The following MARCHF4 variants were observed in gnomAD, a reference collection of about 807,000 sequenced individuals.
The protein encoded by MARCHF4 is E3 ubiquitin-protein ligase MARCHF4.
Under a neutral mutation model 43.9 loss-of-function variants are expected in MARCHF4, and 14 were observed. The observed-to-expected ratio is 0.32, with a 90% confidence interval of 0.21 to 0.50. The LOEUF (loss-of-function observed/expected upper bound fraction) is 0.50, where lower values mean the gene tolerates loss of function less well. Among genes scored for constraint, MARCHF4 ranks in the 20% least tolerant of loss-of-function variants. MARCHF4 has a pLI of 0.98. For missense variants in MARCHF4, 468 were observed against 536.7 expected (o/e 0.87, Z 1.27); for synonymous variants, 226 against 213.3 (o/e 1.06, Z -0.52).
intron 1 of MARCHF4, among the ~76,000 whole-genome samples, chr2:216,354,776 G>C (rs575615261): frequency 6.6e-6 from 1 of 152,256 alleles, no homozygotes; most frequent in East Asian, 1.9e-4. Flanking sequence ...TACCTGGTGG[G>C]ACTCACTCAG....
At chr2:216,276,589 C>T (rs552323425) in intron 3 of MARCHF4, among the ~76,000 whole-genome samples, 29 of 152,300 alleles carry the variant, frequency 1.9e-4, no homozygotes, top group African/African-American at 4.8e-4. Flanking sequence ...TATTAAAGAA[C>T]TCCAAAGAAA....
chr2:216,279,993 C>A (rs1378001099), intron 2 of MARCHF4, among the ~76,000 whole-genome samples: 2 of 152,112 alleles, frequency 1.3e-5, no homozygotes, highest in Non-Finnish European at 2.9e-5. Flanking sequence ...TATAGAGGCC[C>A]AGAAAGCTTC....
At chr2:216,260,262 T>G (rs1690719011) in intron 3 of MARCHF4, among the ~76,000 whole-genome samples, 1 of 152,264 alleles carries the variant, frequency 6.6e-6, no homozygotes, top group African/African-American at 2.4e-5. Flanking sequence ...GTGTGCCTAT[T>G]GTGTGCCAAG....
At chr2:216,273,216 T>C (rs1690966570) in intron 3 of MARCHF4, among the ~76,000 whole-genome samples, 2 of 152,234 alleles carry the variant, frequency 1.3e-5, no homozygotes, top group South Asian at 4.1e-4. Context: ...GGTAAATACA[T>C]TGTTAACGAT....
At chr2:216,324,613 T>C (rs1442715537) in intron 1 of MARCHF4, among the ~76,000 whole-genome samples, 7 of 151,216 alleles carry the variant, frequency 4.6e-5, no homozygotes, top group South Asian at 2.1e-4. Flanking sequence ...AAAGCTTATC[T>C]ACCATGATCA....
At chr2:216,326,504 A>G (rs1691994163) in intron 1 of MARCHF4, among the ~76,000 whole-genome samples, 2 of 151,508 alleles carry the variant, frequency 1.3e-5, no homozygotes, top group African/African-American at 4.9e-5. Flanking sequence ...TTAAAGACAC[A>G]TGCACACGTA....
chr2:216,269,409 G>A (rs1574459026), intron 3 of MARCHF4, among the ~76,000 whole-genome samples: 1 of 152,260 alleles, frequency 6.6e-6, no homozygotes, highest in South Asian at 2.1e-4. Context: ...CAGGTGGAAC[G>A]AGGACATTAG....
Position 216,298,936 on chromosome 2 carries a change from G to A in MARCHF4, c.517-15207C>T, listed in dbSNP as rs533424572. On this transcript the variant is annotated intron_variant, in intron 1 of 3. Coordinates refer to ENST00000273067, the MANE Select transcript of MARCHF4 (RefSeq NM_020814.3). ...AGGCTGTTACACATACTGCCAAATCGGCCTTCAGGAGGATGACACAAATTT... is the reference window on the plus strand; with the variant it reads ...AGGCTGTTACACATACTGCCAAATCAGCCTTCAGGAGGATGACACAAATTT... Among the ~76,000 whole-genome samples the A allele has an allele frequency of 2.0e-5, 3 of 152,226 alleles. No homozygotes were observed. The South Asian group carries it at 6.2e-4, about 32-fold the overall frequency.
At chr2:216,308,345 A>G (rs1050046828) in intron 1 of MARCHF4, among the ~76,000 whole-genome samples, 12 of 152,208 alleles carry the variant, frequency 7.9e-5, no homozygotes, top group Non-Finnish European at 1.5e-4. Context: ...CAGAGTTTCC[A>G]GTGAGCCATG....
chr2:216,261,474 T>A (rs750307834), intron 3 of MARCHF4, among the ~76,000 whole-genome samples: 13 of 152,194 alleles, frequency 8.5e-5, no homozygotes, highest in Non-Finnish European at 1.6e-4. Flanking sequence ...TGTCCCCATT[T>A]CAAGTTCCTT....
chr2:216,300,763 G>A (rs1182536435), intron 1 of MARCHF4, among the ~76,000 whole-genome samples: 1 of 152,118 alleles, frequency 6.6e-6, no homozygotes, highest in Non-Finnish European at 1.5e-5. Context: ...GCCTAATCAA[G>A]TGTGCCCTCA....
intron 1 of MARCHF4, among the ~76,000 whole-genome samples, chr2:216,309,335 G>A (rs1330948362): frequency 6.6e-6 from 1 of 152,208 alleles, no homozygotes; most frequent in South Asian, 2.1e-4. Context: ...GTATGGACAT[G>A]AAATAGATTA....
chr2:216,365,833 T>C (rs1223821878), intron 1 of MARCHF4, among the ~76,000 whole-genome samples: 4 of 152,222 alleles, frequency 2.6e-5, no homozygotes, highest in South Asian at 2.1e-4. Context: ...CTGGGTTAGA[T>C]TGTGAGACTC....
chr2:216,363,425 G>A (rs62178561), intron 1 of MARCHF4, among the ~76,000 whole-genome samples: 13,762 of 152,210 alleles, frequency 0.09, 782 homozygotes, highest in South Asian at 0.24. Flanking sequence ...GTGCTTATGC[G>A]TGAGCAAGTT....
At chr2:216,323,174 A>G (rs1691932262) in intron 1 of MARCHF4, among the ~76,000 whole-genome samples, 1 of 151,814 alleles carries the variant, frequency 6.6e-6, no homozygotes, top group Non-Finnish European at 1.5e-5. Flanking sequence ...CATTCTCTCA[A>G]CCTCCTTAAG....
intron 2 of MARCHF4, among the ~76,000 whole-genome samples, chr2:216,281,903 C>A (rs1164206832): frequency 6.6e-6 from 1 of 152,134 alleles, no homozygotes; most frequent in Non-Finnish European, 1.5e-5. Context: ...ATAACCTTTT[C>A]ATTTTTTACC....
intron 1 of MARCHF4, among the ~76,000 whole-genome samples, chr2:216,359,356 CTTCTT>C (rs1301552117): frequency 1.3e-5 from 2 of 152,112 alleles, no homozygotes; most frequent in Non-Finnish European, 2.9e-5. Context: ...ATTTTTTCCT[CTTCTT>C]TTCTCTTTTC....
intron 3 of MARCHF4, among the ~76,000 whole-genome samples, chr2:216,263,517 G>GAGAGAA (rs1690784816): frequency 2.3e-4 from 22 of 97,314 alleles, no homozygotes; most frequent in South Asian, 1.5e-3. Flanking sequence ...GAGAGAGAGA[G>GAGAGAA]AGAGAGAGAG....
At chr2:216,363,099 A>AAG (rs1375585189) in intron 1 of MARCHF4, among the ~76,000 whole-genome samples, 2 of 152,178 alleles carry the variant, frequency 1.3e-5, no homozygotes, top group African/African-American at 4.8e-5. Flanking sequence ...AGAGAGGAGA[A>AAG]AGAGAGAGTC....
Sources: allele counts gnomAD v4.1 joint callset (sites outside exome capture counted in the v4.1 genomes callset), GRCh38; gene constraint gnomAD v4.1.1; transcripts MANE v1.5; gene names NCBI Gene and HGNC (gene_info 2026-07-23, HGNC 2026-07-21).